Variants in SLC9A9 observed in about 807,000 individuals in gnomAD.
SLC9A9 encodes the protein solute carrier family 9 member A9.
SLC9A9 carries 62 observed loss-of-function variants against 77.8 expected under a neutral mutation model. The ratio of observed to expected loss-of-function variants is 0.80; its 90% CI spans 0.65 to 0.98. The LOEUF is 0.98. SLC9A9 is among the 50% of genes least tolerant of loss of function. The pLI, the probability that SLC9A9 is intolerant of heterozygous loss-of-function variation, is 0.00. For synonymous variants in SLC9A9, 320 were observed against 283.5 expected (o/e 1.13, Z -1.29); for missense variants, 775 against 774.9 (o/e 1.00, Z 0.00).
chr3:143,267,878 G>A (rs1937776951), intron 15 of SLC9A9, among the ~76,000 whole-genome samples: 1 of 152,236 alleles, frequency 6.6e-6, no homozygotes, highest in South Asian at 2.1e-4. Flanking sequence ...TGTAGAATGG[G>A]CCCTTGCCGG....
At chr3:143,652,180 G>T in intron 6 of SLC9A9, 75 bp downstream of exon 6, 1 of 1,198,838 alleles carries the variant, frequency 8.3e-7, no homozygotes, top group South Asian at 1.3e-5. Flanking sequence ...GTATCTCTGT[G>T]ACATAAGAGA....
chr3:143,392,203 A>T (rs2108505819), intron 12 of SLC9A9, among the ~76,000 whole-genome samples: 1 of 152,320 alleles, frequency 6.6e-6, no homozygotes, highest in Middle Eastern at 3.4e-3. Context: ...GCCAGAGAGA[A>T]AGGTCGGGTT....
intron 1 of SLC9A9, among the ~76,000 whole-genome samples, chr3:143,844,746 T>TTTCTTTCTTTCA (rs2009790610): frequency 6.8e-6 from 1 of 147,334 alleles, no homozygotes; most frequent in Non-Finnish European, 1.5e-5. Flanking sequence ...TCTTTCTTTC[T>TTTCTTTCTTTCA]TTCTTTCTTT....
intron 14 of SLC9A9, among the ~76,000 whole-genome samples, chr3:143,307,288 A>T (rs1257123566): frequency 6.6e-6 from 1 of 152,246 alleles, no homozygotes; most frequent in Non-Finnish European, 1.5e-5. Context: ...TTAAACACTT[A>T]CCAGCACACC....
At chr3:143,596,181 C>G (rs1468491967) in intron 6 of SLC9A9, among the ~76,000 whole-genome samples, 2 of 152,118 alleles carry the variant, frequency 1.3e-5, no homozygotes, top group Admixed American at 1.3e-4. Flanking sequence ...TACTCTAAAG[C>G]TTTAGGGCCC....
At chr3:143,346,724 C>T (rs138252169) in intron 14 of SLC9A9, among the ~76,000 whole-genome samples, 237 of 152,092 alleles carry the variant, frequency 1.6e-3, no homozygotes, top group African/African-American at 5.6e-3. Context: ...ACCTGGGAGG[C>T]GGAGGTTGCC....
chr3:143,499,295 A>G (rs2035889470), intron 9 of SLC9A9, among the ~76,000 whole-genome samples: 1 of 152,220 alleles, frequency 6.6e-6, no homozygotes, highest in African/African-American at 2.4e-5. Context: ...ATCCATGAAT[A>G]TCATATATCC....
Position 143,266,674 on chromosome 3 carries a change from G to C in SLC9A9, c.*28C>G. ...TTCCTCAGTGAGTCTTGCATTACTT[G>C]TGATTACATCTGTACTCTTCATGCC... On this transcript the variant is annotated 3_prime_UTR_variant, in exon 16 of 16. Transcript: ENST00000316549. 1 of 1,611,462 alleles carries C rather than the reference G, an allele frequency of 6.2e-7. No homozygotes were observed. The highest frequency in any genetic ancestry group is 8.5e-7 in the Non-Finnish European group (1 of 1,177,766).
At chr3:143,532,602 T>C (rs1221554661) in intron 9 of SLC9A9, among the ~76,000 whole-genome samples, 1 of 152,128 alleles carries the variant, frequency 6.6e-6, no homozygotes, top group Non-Finnish European at 1.5e-5. Flanking sequence ...GAAACTCGAA[T>C]ATAAAAAGGA....
intron 6 of SLC9A9, among the ~76,000 whole-genome samples, chr3:143,621,063 G>T (rs1482861228): frequency 2.0e-5 from 3 of 152,174 alleles, no homozygotes; most frequent in African/African-American, 7.2e-5. Context: ...CAGCGAGGCT[G>T]GGGGAGGGGC....
rs751704357 is a variant in SLC9A9 at position 143,268,987 on chromosome 3, G to A, written c.1605-7C>T. 1.3e-6 allele frequency: 2 copies of A among 1,588,920 alleles called. No homozygotes were observed. ...TAAAATTGGTTTCAGATACCTGGGA[G>A]GCCTGTTAAGGAATACTTGTCAACA... On this transcript the variant is annotated splice_polypyrimidine_tract_variant and splice_region_variant and intron_variant, in intron 14 of 15. Transcript: ENST00000316549.
intron 4 of SLC9A9, among the ~76,000 whole-genome samples, chr3:143,769,831 T>A (rs929285646): frequency 6.6e-6 from 1 of 152,192 alleles, no homozygotes; most frequent in Non-Finnish European, 1.5e-5. Flanking sequence ...GATGTTTACA[T>A]GCAGAATACA....
intron 3 of SLC9A9, among the ~76,000 whole-genome samples, chr3:143,795,298 A>AAAAAC (rs773512846): frequency 1.4e-5 from 2 of 140,212 alleles, no homozygotes; most frequent in African/African-American, 5.2e-5. Flanking sequence ...AAAAAAAAAA[A>AAAAAC]AACCCACTGG....
At chr3:143,732,861 G>T (rs1934841120) in intron 4 of SLC9A9, among the ~76,000 whole-genome samples, 1 of 152,174 alleles carries the variant, frequency 6.6e-6, no homozygotes, top group African/African-American at 2.4e-5. Context: ...AATAGAGCAT[G>T]ATTTTCATTA....
At chr3:143,834,534 A>G (rs2009520189) in intron 1 of SLC9A9, among the ~76,000 whole-genome samples, 2 of 146,638 alleles carry the variant, frequency 1.4e-5, no homozygotes, top group Admixed American at 6.8e-5. Context: ...AAGAATCCAT[A>G]TTAATGTCAT....
intron 14 of SLC9A9, 64 bp from the exon 15 acceptor site, chr3:143,269,044 C>A (rs1937822807): frequency 4.9e-6 from 6 of 1,214,070 alleles, no homozygotes; most frequent in Admixed American, 3.4e-5. Flanking sequence ...TTACGCTGCA[C>A]AAACCTTTGT....
intron 5 of SLC9A9, among the ~76,000 whole-genome samples, chr3:143,676,298 C>T (rs1251855893): frequency 1.3e-5 from 2 of 152,110 alleles, no homozygotes; most frequent in East Asian, 1.9e-4. Context: ...TATGTCCTAC[C>T]AATTTCTCTT....
chr3:143,482,942 T>C (rs1303523372), intron 11 of SLC9A9, among the ~76,000 whole-genome samples: 1 of 152,196 alleles, frequency 6.6e-6, no homozygotes, highest in Non-Finnish European at 1.5e-5. Flanking sequence ...CAGGGGCGCT[T>C]AGCATTCCTC....
chr3:143,829,142 G>A (rs2009373273), intron 2 of SLC9A9, among the ~76,000 whole-genome samples: 1 of 152,092 alleles, frequency 6.6e-6, no homozygotes, highest in Non-Finnish European at 1.5e-5. Flanking sequence ...ATTTAATGAG[G>A]TCGGGTCTCT....
Sources: gnomAD v4.1 joint callset for allele counts (sites outside exome capture counted in the v4.1 genomes callset) on GRCh38, gnomAD v4.1.1 for gene constraint, MANE v1.5 for transcripts, NCBI Gene and HGNC (gene_info 2026-07-23, HGNC 2026-07-21) for gene names.